MCUB: variants seen among roughly 807,000 people sequenced by gnomAD.
MCUB encodes mitochondrial calcium uniporter dominant negative subunit beta.
MCUB carries 46 observed loss-of-function variants against 41.4 expected under a neutral mutation model. The ratio of observed to expected loss-of-function variants is 1.11; its 90% CI spans 0.88 to 1.42. The LOEUF (loss-of-function observed/expected upper bound fraction) is 1.42. Ranked by LOEUF, MCUB falls within the 40% of genes most tolerant of loss-of-function variation. The probability of loss-of-function intolerance (pLI) is 0.00; values close to 1 mark genes in which losing one functional copy is unlikely to be tolerated. For missense variants in MCUB, 403 were observed against 404.9 expected, an observed-to-expected ratio of 1.00 and a Z score of 0.04; for synonymous variants, 148 against 148.2, an observed-to-expected ratio of 1.00 and a Z score of 0.01.
chr4:109,685,505 TG>T, intron 7 of MCUB, 138 bp downstream of exon 7: 1 of 485,546 alleles, frequency 2.1e-6, no homozygotes, highest in Non-Finnish European at 3.7e-6. Flanking sequence ...TTCATTGAAA[TG>T]GTTGACATAT....
intron 1 of MCUB, among the ~76,000 whole-genome samples, chr4:109,656,475 C>T (rs1729106481): frequency 6.8e-6 from 1 of 147,354 alleles, no homozygotes; most frequent in Admixed American, 7.0e-5. Flanking sequence ...CTCCTGGGCT[C>T]AAGCAATCCT....
intron 4 of MCUB, among the ~76,000 whole-genome samples, chr4:109,677,799 CA>C (rs1212309542): frequency 2.1e-5 from 2 of 94,080 alleles, no homozygotes; most frequent in Admixed American, 1.1e-4. Flanking sequence ...TATAAGGAAA[CA>C]AATTTTTTTT....
intron 1 of MCUB, among the ~76,000 whole-genome samples, chr4:109,571,464 C>T (rs1410001185): frequency 6.6e-6 from 1 of 152,168 alleles, no homozygotes; most frequent in Non-Finnish European, 1.5e-5. Flanking sequence ...AGGCACACGC[C>T]ATCCTGCCCA....
rs1297441607 is a variant in MCUB, at chr4:109,582,640, G to T, written c.99+22204G>T. ...TTGGTGTTTTAGTCATGAAGTCCTT[G>T]TCCATGCCTGTGTCATGAATCGTAT... On this transcript the variant is annotated intron_variant, in intron 1 of 7. Coordinates refer to ENST00000394650, the MANE Select transcript of MCUB (RefSeq NM_017918.5). 3.3e-5 allele frequency among the ~76,000 whole-genome samples: 5 copies of T among 150,764 alleles called. No homozygotes were observed. In the South Asian group the frequency reaches 8.4e-4, roughly 25 times the overall value.
intron 1 of MCUB, among the ~76,000 whole-genome samples, chr4:109,593,266 G>A (rs907729009): frequency 6.6e-6 from 1 of 151,566 alleles, no homozygotes; most frequent in Admixed American, 6.6e-5. Flanking sequence ...CCTAAAGATT[G>A]GATGAGTCTA....
At chr4:109,585,683 G>T (rs910922568) in intron 1 of MCUB, among the ~76,000 whole-genome samples, 1 of 152,158 alleles carries the variant, frequency 6.6e-6, no homozygotes, top group Non-Finnish European at 1.5e-5. Context: ...GTGTGTAAAG[G>T]ATTTTATTTT....
chr4:109,683,287 GTTT>G (rs1196461127), intron 5 of MCUB: 2 of 152,208 alleles, frequency 1.3e-5, no homozygotes, highest in Non-Finnish European at 2.9e-5. Context: ...CCCATTTGTG[GTTT>G]TTATTTAAAT....
chr4:109,636,248 A>C (rs1191782444), intron 1 of MCUB, among the ~76,000 whole-genome samples: 1 of 152,198 alleles, frequency 6.6e-6, no homozygotes. Context: ...GATTGTATGA[A>C]CTGGGTAGAT....
At chr4:109,612,115 C>T (rs757093136) in intron 1 of MCUB, among the ~76,000 whole-genome samples, 4 of 152,104 alleles carry the variant, frequency 2.6e-5, no homozygotes, top group Admixed American at 6.6e-5. Context: ...CTCACATTCC[C>T]GGAGGCTGGA....
chr4:109,651,000 C>T (rs190743104), intron 1 of MCUB, among the ~76,000 whole-genome samples: 293 of 152,262 alleles, frequency 1.9e-3, no homozygotes, highest in Non-Finnish European at 3.2e-3. Context: ...CAACTCACCC[C>T]ATTACTGATA....
At chr4:109,669,563 A>G (rs1378101311) in intron 4 of MCUB, among the ~76,000 whole-genome samples, 1 of 151,974 alleles carries the variant, frequency 6.6e-6, no homozygotes, top group Non-Finnish European at 1.5e-5. Context: ...GCTATCTGAC[A>G]TTAGTTTGGG....
At chr4:109,615,584 T>C (rs1398846714) in intron 1 of MCUB, among the ~76,000 whole-genome samples, 3 of 151,916 alleles carry the variant, frequency 2.0e-5, no homozygotes, top group Admixed American at 2.0e-4. Flanking sequence ...ATTTTTTTTG[T>C]ATTTTTAGTA....
intron 1 of MCUB, among the ~76,000 whole-genome samples, chr4:109,565,838 C>CT (rs34317769): frequency 2.5e-3 from 337 of 134,908 alleles, no homozygotes; most frequent in East Asian, 5.0e-3. Context: ...ATTTTCATTT[C>CT]TTTTTTTTTT....
At position 109,682,656 on chromosome 4, in the gene MCUB, C is replaced by T. The variant is rs775480521; in HGVS notation, c.526C>T (p.His176Tyr). Reference sequence around the variant, plus strand: ...GGTTCACAGACTATTTACAATCTTGCATTTAGAAGAGTCTCAGAAAAAGAG... The same window carrying T: ...GGTTCACAGACTATTTACAATCTTGTATTTAGAAGAGTCTCAGAAAAAGAG... ...SLVHRLFTIL[H>Y]LEESQKKREH... The change falls in exon 5 of 8, where the codon CAT becomes TAT. Residue 176 changes from histidine (H) to tyrosine (Y), a missense_variant. Transcript: ENST00000394650. The T allele has an allele frequency of 1.2e-5, 19 of 1,611,878 alleles. No individual in the cohort carries two copies. The highest frequency in any genetic ancestry group is 1.3e-5 in the Non-Finnish European group (15 of 1,178,106).
chr4:109,654,304 A>C (rs1245701249), intron 1 of MCUB, among the ~76,000 whole-genome samples: 2 of 152,150 alleles, frequency 1.3e-5, no homozygotes, highest in Non-Finnish European at 2.9e-5. Context: ...CCTGGATGTT[A>C]TAGTGATACT....
chr4:109,563,787 TAAG>T (rs1470309315), intron 1 of MCUB, among the ~76,000 whole-genome samples: 5 of 152,208 alleles, frequency 3.3e-5, no homozygotes, highest in Non-Finnish European at 7.4e-5. Flanking sequence ...CCTGTGAAAC[TAAG>T]GTAGAAAACC....
Position 109,562,407 on chromosome 4 carries a change from C to T in MCUB, c.99+1971C>T, listed in dbSNP as rs537722153. On this transcript the variant is annotated intron_variant, in intron 1 of 7. Transcript: ENST00000394650. ...TGGAAATGCTGTTCTTTATATACAGCTTTTACATTTTACCATGAGTAAACC... is the reference window on the plus strand; with the variant it reads ...TGGAAATGCTGTTCTTTATATACAGTTTTTACATTTTACCATGAGTAAACC... Among the ~76,000 whole-genome samples the T allele has an allele frequency of 2.3e-3, 347 of 152,320 alleles. 1 individual carries two copies. Among genetic ancestry groups the T allele is most frequent in the Admixed American group, 3.2e-3 (49 of 15,304 alleles).
chr4:109,587,206 G>A (rs1030368837), intron 1 of MCUB, among the ~76,000 whole-genome samples: 8 of 152,222 alleles, frequency 5.3e-5, no homozygotes, highest in East Asian at 1.9e-4. Flanking sequence ...CTCATAAGTC[G>A]ATCTCAGACT....
chr4:109,603,587 T>C (rs1347967711), intron 1 of MCUB, among the ~76,000 whole-genome samples: 1 of 149,716 alleles, frequency 6.7e-6, no homozygotes. Flanking sequence ...CGTCTCTACC[T>C]GGCCGCCACC....
Sources: gnomAD v4.1 joint callset for allele counts (sites outside exome capture counted in the v4.1 genomes callset) on GRCh38, gnomAD v4.1.1 for gene constraint, MANE v1.5 for transcripts, NCBI Gene and HGNC (gene_info 2026-07-23, HGNC 2026-07-21) for gene names.